The following LCOR variants were observed in gnomAD, a reference collection of about 807,000 sequenced individuals.
The protein encoded by LCOR is ligand dependent nuclear receptor corepressor, also known as ligand-dependent corepressor.
LCOR carries 14 observed loss-of-function variants against 64.4 expected under a neutral mutation model. That is an observed-to-expected ratio of 0.22 (90% confidence interval 0.14 to 0.34). The LOEUF (loss-of-function observed/expected upper bound fraction) is 0.34, where lower values mean the gene tolerates loss of function less well. LCOR is among the 10% of genes least tolerant of loss of function. The pLI, the probability that LCOR is intolerant of heterozygous loss-of-function variation, is 1.00. For synonymous variants in LCOR, 643 were observed against 642.5 expected, an observed-to-expected ratio of 1.00 and a Z score of -0.01; for missense variants, 1,686 against 1,765.3, an observed-to-expected ratio of 0.96 and a Z score of 0.80.
intron 4 of LCOR, among the ~76,000 whole-genome samples, chr10:96,925,099 A>G (rs1847145218): frequency 3.3e-5 from 5 of 151,258 alleles, no homozygotes; most frequent in African/African-American, 1.2e-4. Flanking sequence ...ATTTTTTGAG[A>G]TGGAGCTTCA....
At chr10:96,884,407 T>G (rs546262496) in intron 2 of LCOR, among the ~76,000 whole-genome samples, 5 of 152,340 alleles carry the variant, frequency 3.3e-5, no homozygotes, top group African/African-American at 9.6e-5. Flanking sequence ...TTGCAGGGCA[T>G]AAGCAAGGGG....
chr10:96,883,697 A>G (rs964754643), intron 2 of LCOR, among the ~76,000 whole-genome samples: 3 of 152,242 alleles, frequency 2.0e-5, no homozygotes, highest in South Asian at 2.1e-4. Flanking sequence ...TTGTCTTCCT[A>G]TTGTTGAATT....
intron 2 of LCOR, among the ~76,000 whole-genome samples, chr10:96,890,774 G>A (rs1452869237): frequency 6.6e-6 from 1 of 152,160 alleles, no homozygotes; most frequent in Admixed American, 6.5e-5. Flanking sequence ...ACTTTGTCCA[G>A]TGCTTTTCCT....
chr10:96,950,888 A>G (rs1847666888), intron 6 of LCOR, among the ~76,000 whole-genome samples: 1 of 152,102 alleles, frequency 6.6e-6, no homozygotes, highest in African/African-American at 2.4e-5. Context: ...TAGATGTATA[A>G]TTGGGTTAGA....
chr10:96,833,754 C>T (rs1484710534), intron 2 of LCOR, among the ~76,000 whole-genome samples: 1 of 152,246 alleles, frequency 6.6e-6, no homozygotes, highest in Non-Finnish European at 1.5e-5. Flanking sequence ...CGCTTGGGCC[C>T]CTCATTCCCT....
rs1848093082 is a variant in LCOR, at chr10:96,982,067, C to T, written c.1607C>T (p.Ser536Leu). 1.2e-6 allele frequency: 2 copies of T among 1,614,058 alleles called. No individual in the cohort carries two copies. Among genetic ancestry groups the T allele is most frequent in the African/African-American group, 2.7e-5 (2 of 74,928 alleles). ...AAAGCAAGCTGCTCAGCATTGGCATCAGAGGCAGTTTTCACTCCTAAGCAG... is the reference window on the plus strand; with the variant it reads ...AAAGCAAGCTGCTCAGCATTGGCATTAGAGGCAGTTTTCACTCCTAAGCAG... ...QEKASCSALA[S>L]EAVFTPKQTL... is the part of the protein sequence containing the mutation. Residue 536 changes from serine to leucine, a missense_variant, in exon 8 of 8, where the codon TCA (serine) becomes TTA (leucine). Physicochemically the swap from Ser to Leu is moderately radical, Grantham distance 145. Coordinates refer to ENST00000421806, the MANE Select transcript of LCOR (RefSeq NM_001346516.2).
chr10:96,934,019 G>A (rs1469318193), intron 4 of LCOR, among the ~76,000 whole-genome samples: 2 of 152,128 alleles, frequency 1.3e-5, no homozygotes, highest in Non-Finnish European at 2.9e-5. Context: ...TAAGTGTTTT[G>A]TCAGGAAAAA....
chr10:96,884,948 G>A (rs1846318006), intron 2 of LCOR, among the ~76,000 whole-genome samples: 1 of 152,150 alleles, frequency 6.6e-6, no homozygotes, highest in Non-Finnish European at 1.5e-5. Flanking sequence ...AGCTTGATGT[G>A]TGTGTTTGTT....
At chr10:96,912,607 T>TTCCTTCCTTCCTTCCTTCCTTC (rs1554836477) in intron 4 of LCOR, among the ~76,000 whole-genome samples, 13 of 140,294 alleles carry the variant, frequency 9.3e-5, no homozygotes, top group African/African-American at 2.3e-4. Context: ...TTTCTTCCTT[T>TTCCTTCCTTCCTTCCTTCCTTC]CTTCCTTCCT....
intron 2 of LCOR, among the ~76,000 whole-genome samples, chr10:96,890,353 A>G (rs1443975885): frequency 6.6e-6 from 1 of 152,098 alleles, no homozygotes; most frequent in Non-Finnish European, 1.5e-5. Flanking sequence ...CCAAAGCACT[A>G]GGACTGTAAG....
intron 2 of LCOR, among the ~76,000 whole-genome samples, chr10:96,871,305 C>T (rs530194068): frequency 3.3e-5 from 5 of 151,804 alleles, no homozygotes; most frequent in Non-Finnish European, 4.4e-5. Context: ...GATCCTCCTG[C>T]GTTGGCCTCC....
chr10:96,893,630 G>A (rs1034276440), intron 2 of LCOR, among the ~76,000 whole-genome samples: 6 of 152,098 alleles, frequency 3.9e-5, no homozygotes, highest in Non-Finnish European at 8.8e-5. Flanking sequence ...GGGCATGGTG[G>A]TGGGCATCTG....
At chr10:96,969,774 C>CT (rs58881683) in intron 7 of LCOR, among the ~76,000 whole-genome samples, 22,179 of 124,094 alleles carry the variant, frequency 0.18, 2,704 homozygotes, top group African/African-American at 0.35. Context: ...TTTTTTTTTT[C>CT]TTTTTTTTTT....
chr10:96,900,867 T>TC (rs1014481311), intron 2 of LCOR, among the ~76,000 whole-genome samples: 6 of 122,136 alleles, frequency 4.9e-5, no homozygotes, highest in Non-Finnish European at 8.2e-5. Flanking sequence ...CTTCGTAGGC[T>TC]TTTTTTTTTT....
chr10:96,950,161 G>A (rs1472623558), intron 6 of LCOR, among the ~76,000 whole-genome samples: 2 of 152,126 alleles, frequency 1.3e-5, no homozygotes, highest in Admixed American at 1.3e-4. Flanking sequence ...GAAAGGTTAC[G>A]AGATTTATTG....
At position 96,986,689 on chromosome 10, in the gene LCOR, T is replaced by G. The variant is rs1848152551; in HGVS notation, c.*1555T>G. On this transcript the variant is annotated 3_prime_UTR_variant, in exon 8 of 8. Coordinates refer to ENST00000421806, the MANE Select transcript of LCOR (RefSeq NM_001346516.2). ...TTATAGTGCAGCGTGTACTTGACTT[T>G]TCCATTGGGCCGCTCTACAAAAAAA... is the stretch of plus-strand genomic sequence containing the variant. 1 of 152,236 alleles carries G rather than the reference T, an allele frequency of 6.6e-6. No homozygotes were observed. Among genetic ancestry groups the G allele is most frequent in the African/African-American group, 2.4e-5 (1 of 41,456 alleles). The allele number at this position is 152,236 out of a possible 1,614,324, so 9.4% of individuals were successfully genotyped here. A position where few individuals can be genotyped will look rare whatever the true frequency, so the allele number is the denominator to read the frequency against.
intron 2 of LCOR, among the ~76,000 whole-genome samples, chr10:96,855,223 C>T (rs1564604068): frequency 6.6e-6 from 1 of 152,076 alleles, no homozygotes; most frequent in Admixed American, 6.6e-5. Context: ...GGGGGGAGAG[C>T]TTGCCTGTGA....
intron 5 of LCOR, among the ~76,000 whole-genome samples, chr10:96,944,759 C>G (rs190577722): frequency 5.9e-5 from 9 of 151,782 alleles, no homozygotes; most frequent in Admixed American, 2.6e-4. Context: ...AAACTTTTCC[C>G]CCTGCATTTG....
rs2134572401 is a variant in LCOR, at chr10:96,990,270, A to G, written c.*5136A>G. 1 of 152,214 alleles carries G rather than the reference A, an allele frequency of 6.6e-6. No individual in the cohort carries two copies. The highest frequency in any genetic ancestry group is 2.1e-4 in the South Asian group (1 of 4,826). The allele number at this position is 152,214 out of a possible 1,614,324, so 9.4% of individuals were successfully genotyped here. ...ATTAGGGTATGTAGTTTAAAAGTACAGTTTTTTGAAAGTATAGTCATCTTC... is the reference window on the plus strand; with the variant it reads ...ATTAGGGTATGTAGTTTAAAAGTACGGTTTTTTGAAAGTATAGTCATCTTC... On this transcript the variant is annotated 3_prime_UTR_variant, in exon 8 of 8. Transcript: ENST00000421806.
Sources: allele counts gnomAD v4.1 joint callset (sites outside exome capture counted in the v4.1 genomes callset), GRCh38; gene constraint gnomAD v4.1.1; transcripts MANE v1.5; gene names NCBI Gene and HGNC (gene_info 2026-07-23, HGNC 2026-07-21).